The following ATXN3 variants were observed in gnomAD, a reference collection of about 807,000 sequenced individuals.
The protein encoded by ATXN3 is ataxin-3.
ATXN3 carries 28 observed loss-of-function variants against 58.2 expected under a neutral mutation model. The ratio of observed to expected loss-of-function variants is 0.48; its 90% confidence interval spans 0.36 to 0.66. ATXN3 has a LOEUF of 0.66. Among genes scored for constraint, ATXN3 ranks in the 30% least tolerant of loss-of-function variants. The pLI, the probability that ATXN3 is intolerant of heterozygous loss-of-function variation, is 0.00. For synonymous variants in ATXN3, 113 were observed against 138.5 expected (o/e 0.82, Z 1.29); for missense variants, 321 against 422.1 (o/e 0.76, Z 2.10).
At position 92,088,759 on chromosome 14, in the gene ATXN3, G is replaced by A; in HGVS notation, c.446C>T (p.Ala149Val). The change falls in exon 6 of 11, where the codon GCA becomes GTA. Residue 149 changes from alanine (A) to valine (V), a missense_variant. By Grantham distance (64) the Ala-to-Val change is moderately conservative. Coordinates refer to ENST00000644486, the MANE Select transcript of ATXN3 (RefSeq NM_004993.6). ...CTGTTGTAATTGAGCCAAGAAAAGT[G>A]CAAGATATGTATCTGATATTAATTC... ...GPELISDTYLALFLAQLQQEG... is the reference protein window; with the variant it reads ...GPELISDTYLVLFLAQLQQEG... The A allele has an allele frequency of 6.2e-7, 1 of 1,611,768 alleles. No individual in the cohort carries two copies.
Position 92,061,415 on chromosome 14 carries a change from T to C in ATXN3, c.*2905A>G, listed in dbSNP as rs1461690032. On this transcript the variant is annotated 3_prime_UTR_variant, in exon 11 of 11. Transcript: ENST00000644486. ...TAGATTGATGGTTTTAGATCAGAGA[T>C]TAACTATTCTGAATTTTAAAAACAT... 1 of 152,212 alleles carries C rather than the reference T, an allele frequency of 6.6e-6. No homozygotes were observed. Among genetic ancestry groups the C allele is most frequent in the Admixed American group, 6.5e-5 (1 of 15,286 alleles). The allele number at this position is 152,212 out of a possible 1,614,324, so 9.4% of individuals were successfully genotyped here.
intron 1 of ATXN3, among the ~76,000 whole-genome samples, chr14:92,100,882 A>T (rs985543347): frequency 1.1e-4 from 17 of 152,332 alleles, no homozygotes; most frequent in African/African-American, 3.8e-4. Context: ...TCTAATTTTT[A>T]AAAAATTCAA....
In ATXN3 at chr14:92,058,768, G is replaced by A. The variant is rs1028127138; in HGVS notation, c.*5552C>T. 4 of 152,082 alleles carry A rather than the reference G, an allele frequency of 2.6e-5. No homozygotes were observed. Among genetic ancestry groups the A allele is most frequent in the African/African-American group, 7.2e-5 (3 of 41,384 alleles). The allele number at this position is 152,082 out of a possible 1,614,324, so 9.4% of individuals were successfully genotyped here. A position where few individuals can be genotyped will look rare whatever the true frequency, so the allele number is the denominator to read the frequency against. On this transcript the variant is annotated 3_prime_UTR_variant, in exon 11 of 11. Transcript: ENST00000644486. ...CTGCAGGGCTGGGTCCTGAGCAAGC[G>A]GCACTGCCACAGTGCACTTGTATCA...
Position 92,093,746 on chromosome 14 carries a change from A to G in ATXN3, c.320T>C (p.Ile107Thr), listed in dbSNP as rs371630976. The G allele has an allele frequency of 2.6e-5, 41 of 1,588,806 alleles. No homozygotes were observed. The highest frequency in any genetic ancestry group is 3.3e-5 in the Non-Finnish European group (38 of 1,164,892). The change falls in exon 4 of 11, where the codon ATA becomes ACA. Residue 107 changes from isoleucine to threonine, a missense_variant and splice_region_variant. Ile to Thr is a moderately conservative substitution (Grantham distance 89). This residue lies in a region of ATXN3 where 121 missense variants were observed against 198.9 expected (regional missense o/e 0.61). Coordinates refer to ENST00000644486, the MANE Select transcript of ATXN3 (RefSeq NM_004993.6). ...PEYQRLRIDP[I>T]NERSFICNYK... is the part of the protein sequence containing the mutation. ...TATGAAATGCAAAACAGAATCTTAC[A>G]TAGGATCGATCCTGAGCCTCTGATA... is the stretch of plus-strand genomic sequence containing the variant.
intron 5 of ATXN3, 145 bp downstream of exon 5, chr14:92,093,107 G>A: frequency 2.4e-6 from 1 of 419,088 alleles, no homozygotes; most frequent in Non-Finnish European, 4.4e-6. Context: ...TGTTGCCCAG[G>A]CTGGTCTCAA....
At chr14:92,104,412 T>C (rs2067671787) in intron 1 of ATXN3, among the ~76,000 whole-genome samples, 1 of 152,160 alleles carries the variant, frequency 6.6e-6, no homozygotes, top group South Asian at 2.1e-4. Flanking sequence ...AGCACTGGTG[T>C]GAGCCACTGC....
At chr14:92,071,102 A>G (rs1198918203) in intron 9 of ATXN3, 49 bp from the exon 10 acceptor site, 1 of 1,509,550 alleles carries the variant, frequency 6.6e-7, no homozygotes. Context: ...ACTTAAAAGA[A>G]TAAATACACC....
intron 9 of ATXN3, among the ~76,000 whole-genome samples, chr14:92,078,962 G>A (rs1290835579): frequency 2.0e-5 from 3 of 152,120 alleles, no homozygotes; most frequent in Non-Finnish European, 4.4e-5. Context: ...GAGGCAGGTG[G>A]ATCACTTGAG....
In ATXN3 at chr14:92,082,365, C is replaced by T. The variant is rs199876727; in HGVS notation, c.710G>A (p.Arg237His). ...CTCATCTTCCATGTCAATTTCTTGG[C>T]GACTTAGTGCCAGAGCCCTCTGCAA... ...EDLQRALALS[R>H]QEIDMEDEEA... Residue 237 changes from arginine (R) to histidine (H), a missense_variant, in exon 8 of 11, where the codon CGC becomes CAC. By Grantham distance (29) the Arg-to-His change is conservative (BLOSUM62 0). Around this residue, in one of 2 missense-constraint regions of ATXN3, gnomAD observed 200 missense variants for 223.2 expected, o/e 0.90. Transcript: ENST00000644486. The T allele has an allele frequency of 3.7e-6, 6 of 1,614,178 alleles. No homozygotes were observed. The highest frequency in any genetic ancestry group is 5.1e-6 in the Non-Finnish European group (6 of 1,180,032).
At chr14:92,074,490 T>C (rs1207888734) in intron 9 of ATXN3, among the ~76,000 whole-genome samples, 2 of 152,234 alleles carry the variant, frequency 1.3e-5, no homozygotes, top group Non-Finnish European at 2.9e-5. Context: ...TAGGCAATTG[T>C]GGTGGCAGCT....
At chr14:92,057,971 A>G (rs2057493263), downstream of ATXN3, among the ~76,000 whole-genome samples, 1 of 152,086 alleles carries the variant, frequency 6.6e-6, no homozygotes, top group African/African-American at 2.4e-5. Flanking sequence ...CGGCCTCTCA[A>G]AGTGCTAGGA....
intron 6 of ATXN3, among the ~76,000 whole-genome samples, chr14:92,088,016 G>A (rs1370088743): frequency 1.3e-5 from 2 of 151,900 alleles, no homozygotes; most frequent in East Asian, 1.9e-4. Context: ...TTGTGGATGA[G>A]TGCAAAAGGA....
upstream of ATXN3, among the ~76,000 whole-genome samples, chr14:92,051,718 CTTTTTTTTTTTTTTT>C (rs1160650510): frequency 8.4e-5 from 3 of 35,692 alleles, no homozygotes; most frequent in Non-Finnish European, 1.5e-4. Context: ...CTTTTCCTTT[CTTTTTTTTTTTTTTT>C]TTTTTTTTTT....
intron 1 of ATXN3, 104 bp downstream of exon 1, chr14:92,106,425 T>C: frequency 4.8e-6 from 7 of 1,466,066 alleles, no homozygotes; most frequent in Non-Finnish European, 6.7e-6. Context: ...GAGATCGGCA[T>C]GGGGGCGACT....
At chr14:92,048,184 G>A (rs1214574892) in intron 1 of ATXN3, 1 of 152,304 alleles carries the variant, frequency 6.6e-6, no homozygotes, top group Non-Finnish European at 1.5e-5. Flanking sequence ...AAGATCCTGG[G>A]GTAGGCAGTC....
intron 1 of ATXN3, among the ~76,000 whole-genome samples, chr14:92,049,406 C>T (rs1247633854): frequency 6.6e-6 from 1 of 152,172 alleles, no homozygotes; most frequent in Non-Finnish European, 1.5e-5. Flanking sequence ...GTCGTCCCTG[C>T]AGTGATTAAA....
intron 1 of ATXN3, among the ~76,000 whole-genome samples, chr14:92,048,626 T>A (rs1382847054): frequency 4.6e-5 from 7 of 152,180 alleles, no homozygotes; most frequent in Non-Finnish European, 1.0e-4. Flanking sequence ...TGGCTATGCC[T>A]TCAGCTCCAG....
chr14:92,059,088 TTAAAA>T lies in ATXN3; in HGVS notation c.*5227_*5231del, dbSNP rs1490821188. Reference sequence around the variant, plus strand: ...TTGCTTTGTCTATGAATCCACAGGCTTAAAATGTTTTTTGATATGCTATTAAACAT... The same window carrying T: ...TTGCTTTGTCTATGAATCCACAGGCTTGTTTTTTGATATGCTATTAAACAT... On this transcript the variant is annotated 3_prime_UTR_variant, in exon 11 of 11. Coordinates refer to ENST00000644486, the MANE Select transcript of ATXN3 (RefSeq NM_004993.6). 1.3e-5 allele frequency: 2 copies of T among 152,178 alleles called. No individual in the cohort carries two copies. The highest frequency in any genetic ancestry group is 4.8e-5 in the African/African-American group (2 of 41,452). The allele number at this position is 152,178 out of a possible 1,614,324, so 9.4% of individuals were successfully genotyped here.
chr14:92,096,268 T>C, intron 2 of ATXN3, 131 bp from the exon 3 acceptor site: 2 of 1,571,272 alleles, frequency 1.3e-6, no homozygotes, highest in South Asian at 1.2e-5. Flanking sequence ...ACAGTTATAA[T>C]TCACCAGTCA....
Sources: gnomAD v4.1 joint callset for allele counts (sites outside exome capture counted in the v4.1 genomes callset) on GRCh38, gnomAD v4.1.1 for gene constraint, gnomAD v4.1.1 regional missense constraint, MANE v1.5 for transcripts, NCBI Gene and HGNC (gene_info 2026-07-23, HGNC 2026-07-21) for gene names.